Variants in INPPL1 observed in about 807,000 individuals in gnomAD.
The protein encoded by INPPL1 is inositol polyphosphate phosphatase like 1, also known as phosphatidylinositol 3,4,5-trisphosphate 5-phosphatase 2.
Under a neutral mutation model 139.3 loss-of-function variants are expected in INPPL1, and 91 were observed. The observed-to-expected ratio is 0.65, with a 90% CI of 0.55 to 0.78. INPPL1 has a LOEUF of 0.78. INPPL1 is among the 30% of genes least tolerant of loss of function. The probability of loss-of-function intolerance (pLI) is 0.00; values close to 1 mark genes in which losing one functional copy is unlikely to be tolerated. For missense variants in INPPL1, 1,411 were observed against 1,665.6 expected (o/e 0.85, Z 2.66); for synonymous variants, 719 against 686.6 (o/e 1.05, Z -0.74).
rs769074650 is a variant in INPPL1, at chr11:72,231,562, G to T, written c.1562G>T (p.Arg521Leu). 6.2e-7 allele frequency: 1 copy of T among 1,613,992 alleles called. No individual in the cohort carries two copies. The highest frequency in any genetic ancestry group is 8.5e-7 in the Non-Finnish European group (1 of 1,180,006). The part of the protein sequence containing the change: ...AVLVKPEHEN[R>L]ISHVSTSSVK... ...CTGGTCAAGCCAGAGCACGAGAACC[G>T]TATCAGCCATGTCAGTACGTCCAGT... Residue 521 changes from arginine to leucine, a missense_variant, in exon 13 of 28, where the codon CGT becomes CTT. Arg to Leu is a moderately radical substitution (Grantham distance 102, BLOSUM62 -2). Transcript: ENST00000298229.
Position 72,238,057 on chromosome 11 carries a change from G to A in INPPL1, c.3568G>A (p.Gly1190Ser). Residue 1190 changes from glycine to serine, a missense_variant, in exon 27 of 28, where the codon GGC becomes AGC. By Grantham distance (56) the Gly-to-Ser change is moderately conservative. Around this residue, in one of 5 missense-constraint regions of INPPL1, gnomAD observed 438 missense variants for 425.7 expected, o/e 1.03. Coordinates refer to ENST00000298229, the MANE Select transcript of INPPL1 (RefSeq NM_001567.4). ...GTTTCCTTAGGCTCCGTGCCTGCAGGGCGGGCGGGCCAGCGGGCTGGGCGA... is the reference window on the plus strand; with the variant it reads ...GTTTCCTTAGGCTCCGTGCCTGCAGAGCGGGCGGGCCAGCGGGCTGGGCGA... ...DLAEEAPCLQ[G>S]GRASGLGEAG... The A allele has an allele frequency of 1.3e-6, 2 of 1,560,426 alleles. No individual in the cohort carries two copies. The highest frequency in any genetic ancestry group is 1.7e-6 in the Non-Finnish European group (2 of 1,154,124).
chr11:72,230,516 A>G, intron 10 of INPPL1, 48 bp downstream of exon 10: 2 of 1,522,240 alleles, frequency 1.3e-6, no homozygotes, highest in Non-Finnish European at 1.8e-6. Context: ...GGGGTCCCCC[A>G]CATGGGTGCT....
At position 72,231,002 on chromosome 11, in the gene INPPL1, C is replaced by T. The variant is rs1276461728; in HGVS notation, c.1310C>T (p.Pro437Leu). Residue 437 changes from proline to leucine, a missense_variant, in exon 12 of 28, where the codon CCA (proline) becomes CTA (leucine). Pro to Leu is a moderately conservative substitution (Grantham distance 98). Coordinates refer to ENST00000298229, the MANE Select transcript of INPPL1 (RefSeq NM_001567.4). ...CCCCCTTCACCTCCAGGAAGTGTAC[C>T]ACCTCCAAAAAACGTGACATCCTGG... Reference protein sequence around the residue: ...FIGTWNMGSVPPPKNVTSWFT... With the variant: ...FIGTWNMGSVLPPKNVTSWFT... 6 of 1,613,370 alleles carry T rather than the reference C, an allele frequency of 3.7e-6. No individual in the cohort carries two copies. The highest frequency in any genetic ancestry group is 1.1e-5 in the South Asian group (1 of 91,010).
At chr11:72,233,572 T>C (rs1317093216) in intron 18 of INPPL1, 50 bp downstream of exon 18, 2 of 1,606,170 alleles carry the variant, frequency 1.2e-6, no homozygotes, top group East Asian at 2.2e-5. Context: ...GGTCACCATC[T>C]GGACTCTGCC....
Position 72,235,743 on chromosome 11 carries a change from C to T in INPPL1, c.2728C>T (p.Gln910Ter). ...AGCCCCCTCTGTGTCCCGAGGGAGC[C>T]AGGAGCCCAGGTGAGCTAGGGCTGT... is the stretch of plus-strand genomic sequence containing the variant. ...SKAPSVSRGS[Q>*]EPRSGSRKPA... The change falls in exon 24 of 28, where the codon CAG (glutamine) becomes TAG (stop). Residue 910 changes from glutamine to a stop codon, truncating the protein, a stop_gained. Transcript: ENST00000298229. LOFTEE classifies it high-confidence loss of function. The surrounding 1 kb of genome is among the most constrained non-coding windows in gnomAD (Gnocchi z 4.9). 1 of 1,614,080 alleles carries T rather than the reference C, an allele frequency of 6.2e-7. No homozygotes were observed. Among genetic ancestry groups the T allele is most frequent in the Admixed American group, 1.7e-5 (1 of 60,018 alleles).
chr11:72,238,029 C>T lies in INPPL1; in HGVS notation c.3553-13C>T. ...GGGCACTCAGCTCCCCCTGACATGC[C>T]CTGTTTCCTTAGGCTCCGTGCCTGC... On this transcript the variant is annotated splice_polypyrimidine_tract_variant and intron_variant, in intron 26 of 27. Coordinates refer to ENST00000298229, the MANE Select transcript of INPPL1 (RefSeq NM_001567.4). 1.3e-6 allele frequency: 2 copies of T among 1,530,756 alleles called. No homozygotes were observed. The highest frequency in any genetic ancestry group is 2.3e-5 in the East Asian group (1 of 44,072). The allele number at this position is 1,530,756 out of a possible 1,614,324, so 94.8% of individuals were successfully genotyped here.
In INPPL1 at chr11:72,230,220, C is replaced by T. The variant is rs772985547; in HGVS notation, c.1039C>T (p.Arg347Trp). The T allele has an allele frequency of 2.5e-6, 4 of 1,611,100 alleles. No individual in the cohort carries two copies. The highest frequency in any genetic ancestry group is 3.4e-6 in the Non-Finnish European group (4 of 1,178,162). Reference sequence around the variant, plus strand: ...GGAGGGTGGGCGGCTGGTGCTGCTGCGGAGACAGCGGGACTCCCAGGAGGA... The same window carrying T: ...GGAGGGTGGGCGGCTGGTGCTGCTGTGGAGACAGCGGGACTCCCAGGAGGA... ...DVEGGRLVLL[R>W]RQRDSQEDWT... is the part of the protein sequence containing the mutation. Residue 347 changes from arginine to tryptophan, a missense_variant, in exon 9 of 28, where the codon CGG becomes TGG. Coordinates refer to ENST00000298229, the MANE Select transcript of INPPL1 (RefSeq NM_001567.4).
intron 17 of INPPL1, 28 bp from the exon 18 acceptor site, chr11:72,233,413 C>T: frequency 3.1e-6 from 5 of 1,605,172 alleles, no homozygotes; most frequent in East Asian, 2.2e-5. Context: ...GCTGTCAGCT[C>T]TAACCATGCT....
chr11:72,225,862 A>AG, intron 1 of INPPL1, among the ~76,000 whole-genome samples: 2 of 152,296 alleles, frequency 1.3e-5, no homozygotes, highest in South Asian at 4.1e-4. Context: ...TGAGTGGGCC[A>AG]GGTCCTGTGG....
Position 72,235,472 on chromosome 11 carries a change from T to A in INPPL1, c.2659+21T>A, listed in dbSNP as rs1275747673. 1.9e-6 allele frequency: 3 copies of A among 1,597,634 alleles called. No homozygotes were observed. The highest frequency in any genetic ancestry group is 8.5e-7 in the Non-Finnish European group (1 of 1,170,066). On this transcript the variant is annotated intron_variant, in intron 23 of 27. Coordinates refer to ENST00000298229, the MANE Select transcript of INPPL1 (RefSeq NM_001567.4). The surrounding 1 kb of genome is among the most constrained non-coding windows in gnomAD (Gnocchi z 4.9). ...CTACGGTGGGGACTCCACTGGGACA[T>A]GAGATAGGGTGGTGTGAACAGATCA...
chr11:72,233,968 A>G (rs1489060065), intron 19 of INPPL1, among the ~76,000 whole-genome samples: 1 of 151,734 alleles, frequency 6.6e-6, no homozygotes, highest in East Asian at 1.9e-4. Context: ...GTGTACACCT[A>G]TCTATGTGTC....
At chr11:72,230,601 G>A in intron 10 of INPPL1, 133 bp downstream of exon 10, 2 of 951,296 alleles carry the variant, frequency 2.1e-6, no homozygotes, top group Non-Finnish European at 1.6e-6. Flanking sequence ...GTCTGACAGG[G>A]TAGAGGGTGT....
At position 72,225,013 on chromosome 11, in the gene INPPL1, C is replaced by A; in HGVS notation, c.29C>A (p.Pro10Gln). Residue 10 changes from proline to glutamine, a missense_variant, in exon 1 of 28, where the codon CCG (proline) becomes CAG (glutamine). This residue lies in a region of INPPL1 where 504 missense variants were observed against 595.6 expected (regional missense o/e 0.85). Coordinates refer to ENST00000298229, the MANE Select transcript of INPPL1 (RefSeq NM_001567.4). MASACGAPGPGGALGSQAPS... is the reference protein window; with the variant it reads MASACGAPGQGGALGSQAPS... The stretch of plus-strand genomic sequence containing the variant: ...GCCTCGGCCTGCGGGGCGCCGGGCC[C>A]GGGGGGCGCCCTGGGCAGCCAGGCC... 2 of 1,212,774 alleles carry A rather than the reference C, an allele frequency of 1.6e-6. No individual in the cohort carries two copies. Among genetic ancestry groups the A allele is most frequent in the African/African-American group, 3.1e-5 (2 of 63,526 alleles). 75.1% of individuals were successfully genotyped at this position (1,212,774 alleles called of 1,614,324 possible).
At position 72,231,182 on chromosome 11, in the gene INPPL1, AC is replaced by A; in HGVS notation, c.1492del (p.Arg498AlafsTer33). ...CTCAAGGAGCTTACGGATCTGGATT[AC>A]CGCCCGGTGAGGGGGGGTCATCTTG... ...GGLKELTDLD[Y>X]RPIAMQSLWN... On this transcript the variant is annotated frameshift_variant, in exon 12 of 28. Transcript: ENST00000298229. LOFTEE classifies it high-confidence loss of function. 6.2e-7 allele frequency: 1 copy of A among 1,611,220 alleles called. No individual in the cohort carries two copies. Among genetic ancestry groups the A allele is most frequent in the Non-Finnish European group, 8.5e-7 (1 of 1,179,412 alleles).
Position 72,238,111 on chromosome 11 carries a change from ATC to A in INPPL1, c.3623_3624del (p.Ile1208ArgfsTer6). 1.3e-6 allele frequency: 2 copies of A among 1,579,138 alleles called. No individual in the cohort carries two copies. The highest frequency in any genetic ancestry group is 1.7e-6 in the Non-Finnish European group (2 of 1,162,480). ...EAGMSAWLRA[I>X]GLERYEEGLV... ...AGGCATGAGTGCCTGGCTGCGGGCC[ATC>A]GGCTTGGAGCGCTATGAGGAGGGCC... On this transcript the variant is annotated frameshift_variant, in exon 27 of 28. Transcript: ENST00000298229. LOFTEE classifies it high-confidence loss of function.
In INPPL1 at chr11:72,224,869, C is replaced by T. The variant is rs1390447204; in HGVS notation, c.-116C>T. ...CTGAGTCCCGATCCCCGGCTCTGTC[C>T]GGCCCACGGATCCTCAAGCCCGGGC... On this transcript the variant is annotated 5_prime_UTR_variant, in exon 1 of 28. Coordinates refer to ENST00000298229, the MANE Select transcript of INPPL1 (RefSeq NM_001567.4). The T allele has an allele frequency of 2.3e-5, 16 of 702,268 alleles. No individual in the cohort carries two copies. Among genetic ancestry groups the T allele is most frequent in the Admixed American group, 5.8e-5 (1 of 17,216 alleles). 43.5% of individuals were successfully genotyped at this position (702,268 alleles called of 1,614,324 possible). A position where few individuals can be genotyped will look rare whatever the true frequency, so the allele number is the denominator to read the frequency against.
Position 72,230,907 on chromosome 11 carries a change from C to CGGGCTG in INPPL1, c.1300+20_1300+25dup. The CGGGCTG allele has an allele frequency of 6.2e-7, 1 of 1,613,876 alleles. No homozygotes were observed. Among genetic ancestry groups the CGGGCTG allele is most frequent in the South Asian group, 1.1e-5 (1 of 91,074 alleles). ...AGGCACCTGGAACATGGGTCAGGCCCGGGCTGGGGCTGGGGCGGGAGAGAG... is the reference window on the plus strand; with the variant it reads ...AGGCACCTGGAACATGGGTCAGGCCCGGGCTGGGGCTGGGGCTGGGGCGGGAGAGAG... On this transcript the variant is annotated intron_variant, in intron 11 of 27. Transcript: ENST00000298229.
At chr11:72,229,398 C>T in intron 5 of INPPL1, 67 bp from the exon 6 acceptor site, 1 of 1,507,122 alleles carries the variant, frequency 6.6e-7, no homozygotes, top group Non-Finnish European at 9.2e-7. Flanking sequence ...GTTGAGGCTA[C>T]ACCCAGCGCC....
chr11:72,223,804 G>T (rs889041247), upstream of INPPL1: 1 of 150,712 alleles, frequency 6.6e-6, no homozygotes, highest in South Asian at 1.8e-4. Flanking sequence ...GCGGGGCGGG[G>T]TGAGGCGAGG....
Sources: allele counts gnomAD v4.1 joint callset (sites outside exome capture counted in the v4.1 genomes callset), GRCh38; gene constraint gnomAD v4.1.1; regional missense constraint gnomAD v4.1.1; non-coding constraint Gnocchi (gnomAD v3.1); transcripts MANE v1.5; gene names NCBI Gene and HGNC (gene_info 2026-07-23, HGNC 2026-07-21).